CDH13: variants seen among roughly 807,000 people sequenced by gnomAD.
The protein encoded by CDH13 is cadherin 13.
CDH13 carries 24 observed loss-of-function variants against 63.8 expected under a neutral mutation model. The ratio of observed to expected loss-of-function variants is 0.38; its 90% CI spans 0.27 to 0.53. The LOEUF (loss-of-function observed/expected upper bound fraction) is 0.53, where lower values mean the gene tolerates loss of function less well. Ranked by LOEUF, CDH13 falls within the 20% of genes least tolerant of loss-of-function variation. The pLI, the probability that CDH13 is intolerant of heterozygous loss-of-function variation, is 0.85. For missense variants in CDH13, 1,049 were observed against 903.1 expected (o/e 1.16, Z -2.07); for synonymous variants, 503 against 355.3 (o/e 1.42, Z -4.67).
chr16:83,085,345 C>T (rs187737984), intron 3 of CDH13, among the ~76,000 whole-genome samples: 15 of 152,238 alleles, frequency 9.9e-5, no homozygotes, highest in Admixed American at 4.6e-4. Context: ...CTAGGTCCCT[C>T]CCACAACACG....
chr16:83,554,520 T>TA (rs1406729042), intron 7 of CDH13, among the ~76,000 whole-genome samples: 1 of 152,184 alleles, frequency 6.6e-6, no homozygotes, highest in East Asian at 1.9e-4. Flanking sequence ...CCACTTATGT[T>TA]AAAATTTTTT....
At chr16:82,749,129 A>G (rs2034305799) in intron 1 of CDH13, among the ~76,000 whole-genome samples, 1 of 152,106 alleles carries the variant, frequency 6.6e-6, no homozygotes, top group African/African-American at 2.4e-5. Context: ...TTGGATAAAA[A>G]GCCCGACAGA....
chr16:83,496,754 A>G (rs200005195), intron 7 of CDH13, among the ~76,000 whole-genome samples: 1 of 152,176 alleles, frequency 6.6e-6, no homozygotes, highest in African/African-American at 2.4e-5. Flanking sequence ...TTTTCGCAAC[A>G]TACTCATCTG....
chr16:83,033,782 G>T (rs143749254), intron 3 of CDH13, among the ~76,000 whole-genome samples: 6 of 152,134 alleles, frequency 3.9e-5, no homozygotes, highest in African/African-American at 1.4e-4. Flanking sequence ...CTCCACCTTC[G>T]TGAGAAAAGG....
At chr16:83,060,658 A>G (rs563364902) in intron 3 of CDH13, among the ~76,000 whole-genome samples, 63 of 152,360 alleles carry the variant, frequency 4.1e-4, no homozygotes, top group African/African-American at 1.4e-3. Flanking sequence ...CAGAGCCTGC[A>G]TGCCTAACCG....
chr16:83,152,901 G>A (rs912933054), intron 4 of CDH13, among the ~76,000 whole-genome samples: 12 of 152,046 alleles, frequency 7.9e-5, no homozygotes, highest in African/African-American at 2.4e-4. Flanking sequence ...ACATAGACAC[G>A]CCCACAAAGA....
chr16:83,215,483 A>G (rs1340753854), intron 4 of CDH13, among the ~76,000 whole-genome samples: 1 of 125,778 alleles, frequency 8.0e-6, no homozygotes, highest in African/African-American at 2.8e-5. Flanking sequence ...TATTTTAATA[A>G]ACAACATTTT....
intron 2 of CDH13, among the ~76,000 whole-genome samples, chr16:82,904,658 TA>T (rs2041584796): frequency 6.6e-6 from 1 of 152,278 alleles, no homozygotes; most frequent in East Asian, 1.9e-4. Context: ...TGGGTGGGCA[TA>T]GTAGTCTTTC....
intron 4 of CDH13, among the ~76,000 whole-genome samples, chr16:83,158,344 G>T (rs1159400176): frequency 1.3e-5 from 2 of 152,140 alleles, no homozygotes; most frequent in Non-Finnish European, 2.9e-5. Context: ...ACTGTGCTGT[G>T]CAGTGAATCC....
At position 82,899,177 on chromosome 16, in the gene CDH13, T is replaced by C. The variant is rs570880946; in HGVS notation, c.157+40704T>C. On this transcript the variant is annotated intron_variant, in intron 2 of 13. Transcript: ENST00000567109. ...TCCACAGGGTCTCACATTAGCTGAG[T>C]GTGTGGGAGGAAGACCAAGTGTCTG... Among the ~76,000 whole-genome samples the C allele has an allele frequency of 8.5e-5, 13 of 152,194 alleles. No individual in the cohort carries two copies. The South Asian group carries it at 1.7e-3, about 19-fold the overall frequency.
chr16:82,773,963 T>C (rs573858745), intron 1 of CDH13, among the ~76,000 whole-genome samples: 7 of 152,102 alleles, frequency 4.6e-5, no homozygotes, highest in Non-Finnish European at 8.8e-5. Context: ...TTTTGTGTTT[T>C]TGGGAGAGAC....
In CDH13 at chr16:83,690,716, TTTG is replaced by T. The variant is rs1055880325; in HGVS notation, c.1538+12267_1538+12269del. On this transcript the variant is annotated intron_variant, in intron 10 of 13. Coordinates refer to ENST00000567109, the MANE Select transcript of CDH13 (RefSeq NM_001257.5). ...GCAGTGAGAAGCTGCAGACACTGAA[TTTG>T]TTGTTGTTGTTTTTATTTTTGAGAC... is the stretch of plus-strand genomic sequence containing the variant. 3.9e-5 allele frequency among the ~76,000 whole-genome samples: 6 copies of T among 151,994 alleles called. No individual in the cohort carries two copies. In the East Asian group the frequency reaches 9.7e-4, roughly 25 times the overall value.
chr16:83,118,645 A>G (rs4238731), intron 3 of CDH13, among the ~76,000 whole-genome samples: 131,733 of 152,154 alleles, frequency 0.87, 57,332 homozygotes, highest in Non-Finnish European at 0.92. Flanking sequence ...TCATTTTTCT[A>G]CCGTTTCTGC....
In CDH13 at chr16:82,784,771, C is replaced by G. The variant is rs572825316; in HGVS notation, c.46-73591C>G. ...GACATTCAAACTGGCAAAAAGAAAG[C>G]AAAACAGACTTAACCAGGCAGATGC... On this transcript the variant is annotated intron_variant, in intron 1 of 13. Transcript: ENST00000567109. 2.5e-4 allele frequency among the ~76,000 whole-genome samples: 38 copies of G among 152,194 alleles called. No individual in the cohort carries two copies. The South Asian group carries it at 4.4e-3, about 17-fold the overall frequency.
At chr16:83,563,873 G>A (rs910920409) in intron 7 of CDH13, among the ~76,000 whole-genome samples, 2 of 152,100 alleles carry the variant, frequency 1.3e-5, no homozygotes, top group African/African-American at 4.8e-5. Context: ...AGTGGGATGG[G>A]TCGTTTTGTT....
Position 82,738,318 on chromosome 16 carries a change from C to T in CDH13, c.45+111181C>T, listed in dbSNP as rs188790795. ...AAGTTGGCTTCTTACCTGGCTTTAC[C>T]GTGCACGGAGGACTTTAATTTGTGT... is the stretch of plus-strand genomic sequence containing the variant. On this transcript the variant is annotated intron_variant, in intron 1 of 13. Coordinates refer to ENST00000567109, the MANE Select transcript of CDH13 (RefSeq NM_001257.5). Among the ~76,000 whole-genome samples, 832 of 152,290 alleles carry T rather than the reference C, an allele frequency of 5.5e-3. 6 individuals carry two copies. Among genetic ancestry groups the T allele is most frequent in the Middle Eastern group, 0.02 (6 of 294 alleles).
intron 1 of CDH13, among the ~76,000 whole-genome samples, chr16:82,650,065 G>T (rs1597218094): frequency 6.6e-6 from 1 of 152,158 alleles, no homozygotes; most frequent in Non-Finnish European, 1.5e-5. Flanking sequence ...GTCACTTAAA[G>T]AATGTTCTCT....
chr16:82,982,381 T>C (rs1910387801), intron 2 of CDH13, among the ~76,000 whole-genome samples: 3 of 152,218 alleles, frequency 2.0e-5, no homozygotes, highest in African/African-American at 7.2e-5. Context: ...CCAAACTTAG[T>C]GACTTAAAAT....
At chr16:83,260,192 T>C (rs1906815545) in intron 5 of CDH13, among the ~76,000 whole-genome samples, 1 of 151,164 alleles carries the variant, frequency 6.6e-6, no homozygotes, top group Non-Finnish European at 1.5e-5. Flanking sequence ...ATGTGGTGCT[T>C]TGTAGTTTCT....
Sources: gnomAD v4.1 joint callset for allele counts (sites outside exome capture counted in the v4.1 genomes callset) on GRCh38, gnomAD v4.1.1 for gene constraint, MANE v1.5 for transcripts, NCBI Gene and HGNC (gene_info 2026-07-23, HGNC 2026-07-21) for gene names.